The following APBA2 variants were observed in gnomAD, a reference collection of about 807,000 sequenced individuals.
The protein encoded by APBA2 is amyloid-beta A4 precursor protein-binding family A member 2.
Under a neutral mutation model 75.0 loss-of-function variants are expected in APBA2, and 30 were observed. The observed-to-expected ratio is 0.40, with a 90% CI of 0.30 to 0.54. APBA2 has a LOEUF of 0.54. APBA2 is among the 20% of genes least tolerant of loss of function. The pLI is 0.49. For missense variants in APBA2, 801 were observed against 1,016.1 expected (o/e 0.79, Z 2.88); for synonymous variants, 444 against 409.6 (o/e 1.08, Z -1.01).
At chr15:29,014,603 A>G (rs1490296554) in intron 3 of APBA2, among the ~76,000 whole-genome samples, 4 of 152,122 alleles carry the variant, frequency 2.6e-5, no homozygotes, top group Non-Finnish European at 5.9e-5. Flanking sequence ...GAACACTTCT[A>G]TCATTGCAGA....
intron 1 of APBA2, among the ~76,000 whole-genome samples, chr15:28,897,182 G>GACACAC (rs368122549): frequency 0.085 from 12,591 of 148,054 alleles, 565 homozygotes; most frequent in Non-Finnish European, 0.098. Context: ...CAAAAGACAC[G>GACACAC]ACACACACAC....
intron 9 of APBA2, among the ~76,000 whole-genome samples, chr15:29,099,689 G>A (rs1345251296): frequency 1.3e-5 from 2 of 152,232 alleles, no homozygotes; most frequent in Non-Finnish European, 2.9e-5. Flanking sequence ...TTGCAGGCGG[G>A]CCTTTCTGGG....
chr15:29,117,029 G>A (rs772526415), intron 14 of APBA2, 33 bp from the exon 15 acceptor site: 1 of 1,608,588 alleles, frequency 6.2e-7, no homozygotes, highest in Admixed American at 1.7e-5. Flanking sequence ...GAGGTGGGAG[G>A]GCAGCGGCTC....
chr15:28,955,452 G>A (rs2036115749), intron 2 of APBA2, among the ~76,000 whole-genome samples: 1 of 152,144 alleles, frequency 6.6e-6, no homozygotes, highest in Non-Finnish European at 1.5e-5. Flanking sequence ...TTCCCATCCT[G>A]TGGCTTTTTT....
chr15:28,960,338 C>T (rs2036399470), intron 2 of APBA2, among the ~76,000 whole-genome samples: 2 of 151,788 alleles, frequency 1.3e-5, no homozygotes, highest in African/African-American at 4.8e-5. Context: ...GTGGTGGATG[C>T]CTGTAGTCCC....
rs185506772 is a variant in APBA2 at position 29,019,553 on chromosome 15, A to G, written c.-41+23747A>G. Among the ~76,000 whole-genome samples the G allele has an allele frequency of 2.1e-3, 318 of 150,580 alleles. 1 individual carries two copies. Among genetic ancestry groups the G allele is most frequent in the African/African-American group, 7.5e-3 (308 of 40,936 alleles). On this transcript the variant is annotated intron_variant, in intron 3 of 14. Coordinates refer to ENST00000683413, the MANE Select transcript of APBA2 (RefSeq NM_001353788.2). ...AGCATTTATGCATGTGTAGATGTAG[A>G]TGGCTGTGTTTTGTTTTTATGCACA...
intron 3 of APBA2, among the ~76,000 whole-genome samples, chr15:29,041,948 G>GT (rs1193558822): frequency 6.6e-6 from 1 of 152,198 alleles, no homozygotes; most frequent in Admixed American, 6.5e-5. Context: ...TAGGGCTGCT[G>GT]TAAGAAGTCC....
At chr15:28,903,259 GT>G (rs1397911213) in intron 1 of APBA2, among the ~76,000 whole-genome samples, 4 of 152,294 alleles carry the variant, frequency 2.6e-5, no homozygotes, top group East Asian at 1.9e-4. Context: ...CAGAGGCCAT[GT>G]TTTTTTGGGG....
chr15:29,080,556 C>T lies in APBA2; in HGVS notation c.1069+4465C>T, dbSNP rs146826446. 4.7e-4 allele frequency among the ~76,000 whole-genome samples: 72 copies of T among 152,224 alleles called. No homozygotes were observed. In the East Asian group the frequency reaches 0.013, roughly 27 times the overall value. On this transcript the variant is annotated intron_variant, in intron 6 of 14. Transcript: ENST00000683413. ...GACCCTCTCAGACTGGGAAGGTTAA[C>T]GCTGCAGAGAAAACCTCCTTATGAA...
intron 1 of APBA2, chr15:28,893,998 A>G (rs2032306125): frequency 6.6e-6 from 1 of 152,178 alleles, no homozygotes; most frequent in African/African-American, 2.4e-5. Context: ...GGACCCCTGG[A>G]CTGGCAGCAT....
Position 29,054,107 on chromosome 15 carries a change from G to A in APBA2, c.223G>A (p.Asp75Asn). 1 of 1,614,170 alleles carries A rather than the reference G, an allele frequency of 6.2e-7. No homozygotes were observed. Among genetic ancestry groups the A allele is most frequent in the Non-Finnish European group, 8.5e-7 (1 of 1,180,036 alleles). ...NHSPDGDSSS[D>N]YVNNTSEEED... ...CAGCCCCGATGGGGACTCCAGCTCT[G>A]ACTACGTGAACAACACCTCTGAGGA... The change falls in exon 4 of 15, where the codon GAC (aspartate) becomes AAC (asparagine). Residue 75 changes from aspartate (D) to asparagine (N), a missense_variant. Physicochemically the swap from Asp to Asn is conservative, Grantham distance 23. Coordinates refer to ENST00000683413, the MANE Select transcript of APBA2 (RefSeq NM_001353788.2). The surrounding 1 kb of genome is among the most constrained non-coding windows in gnomAD (Gnocchi z 6.1).
At chr15:29,019,391 G>A (rs987814036) in intron 3 of APBA2, among the ~76,000 whole-genome samples, 1 of 152,202 alleles carries the variant, frequency 6.6e-6, no homozygotes, top group Non-Finnish European at 1.5e-5. Flanking sequence ...GAAGAATTGT[G>A]CAACACAGGA....
At chr15:28,951,316 C>T (rs149548288) in intron 2 of APBA2, among the ~76,000 whole-genome samples, 8 of 152,184 alleles carry the variant, frequency 5.3e-5, no homozygotes, top group African/African-American at 1.9e-4. Context: ...ATAACCAATC[C>T]CTTACAGATA....
At chr15:29,106,535 C>T (rs913377374) in intron 11 of APBA2, 72 bp from the exon 12 acceptor site, 4 of 1,536,534 alleles carry the variant, frequency 2.6e-6, no homozygotes, top group Non-Finnish European at 2.7e-6. Flanking sequence ...TCAGCCTCAT[C>T]CTCCTGTGGG....
chr15:29,098,699 A>C, intron 9 of APBA2, 123 bp downstream of exon 9: 1 of 846,364 alleles, frequency 1.2e-6, no homozygotes. Context: ...CCATCAACCC[A>C]AGGCCCATAG....
At chr15:29,084,303 G>A (rs2043199021) in intron 6 of APBA2, among the ~76,000 whole-genome samples, 1 of 152,060 alleles carries the variant, frequency 6.6e-6, no homozygotes, top group Admixed American at 6.5e-5. Context: ...TAGAACAGAA[G>A]GAACAATTTT....
At chr15:28,973,893 AAAAAC>A (rs1037241821) in intron 2 of APBA2, among the ~76,000 whole-genome samples, 2 of 152,194 alleles carry the variant, frequency 1.3e-5, no homozygotes, top group Non-Finnish European at 2.9e-5. Flanking sequence ...AAAGAAATGC[AAAAAC>A]AAAACAAAAC....
intron 3 of APBA2, among the ~76,000 whole-genome samples, chr15:29,036,849 G>A (rs368009956): frequency 6.6e-6 from 1 of 152,032 alleles, no homozygotes; most frequent in East Asian, 1.9e-4. Context: ...GTGAGACCCT[G>A]TTTCTATAAA....
intron 6 of APBA2, among the ~76,000 whole-genome samples, chr15:29,089,058 C>A (rs1483478119): frequency 6.6e-6 from 1 of 152,236 alleles, no homozygotes; most frequent in Non-Finnish European, 1.5e-5. Context: ...CTCCCTGTCC[C>A]TTCCTTCCCA....
Sources: gnomAD v4.1 joint callset for allele counts (sites outside exome capture counted in the v4.1 genomes callset) on GRCh38, gnomAD v4.1.1 for gene constraint, Gnocchi (gnomAD v3.1) non-coding constraint, MANE v1.5 for transcripts, NCBI Gene and HGNC (gene_info 2026-07-23, HGNC 2026-07-21) for gene names.